The following COQ10B variants were observed in gnomAD, a reference collection of about 807,000 sequenced individuals.
COQ10B encodes coenzyme Q10B, also known as coenzyme Q-binding protein COQ10 homolog B, mitochondrial.
Under a neutral mutation model 27.6 loss-of-function variants are expected in COQ10B, and 12 were observed. The ratio of observed to expected loss-of-function variants is 0.43; its 90% CI spans 0.28 to 0.70. The LOEUF (loss-of-function observed/expected upper bound fraction) is 0.70. Ranked by LOEUF, COQ10B falls within the 30% of genes least tolerant of loss-of-function variation. COQ10B has a pLI of 0.17. For missense variants in COQ10B, 278 were observed against 288.7 expected, an observed-to-expected ratio of 0.96 and a Z score of 0.27; for synonymous variants, 115 against 103.0, an observed-to-expected ratio of 1.12 and a Z score of -0.71.
At chr2:197,473,611 A>G (rs2085916304) in intron 4 of COQ10B, 146 bp from the exon 5 acceptor site, 1 of 514,630 alleles carries the variant, frequency 1.9e-6, no homozygotes, top group Non-Finnish European at 3.3e-6. Flanking sequence ...GCTTGAGTCC[A>G]GGAGGTTGAG....
At chr2:197,461,866 C>T (rs982725103) in intron 2 of COQ10B, among the ~76,000 whole-genome samples, 2 of 151,984 alleles carry the variant, frequency 1.3e-5, no homozygotes, top group African/African-American at 4.8e-5. Flanking sequence ...GTCTCAAACT[C>T]CTGACCTCAG....
chr2:197,460,149 C>A, intron 2 of COQ10B, 68 bp downstream of exon 2: 1 of 1,093,074 alleles, frequency 9.1e-7, no homozygotes, highest in Non-Finnish European at 1.3e-6. Context: ...TCGTGTTGTG[C>A]CTCTTTCTCT....
Position 197,474,860 on chromosome 2 carries a change from A to G in COQ10B, c.*936A>G, listed in dbSNP as rs1574589986. The G allele has an allele frequency of 7.6e-6, 1 of 131,486 alleles. No homozygotes were observed. Among genetic ancestry groups the G allele is most frequent in the South Asian group, 2.3e-4 (1 of 4,264 alleles). The allele number at this position is 131,486 out of a possible 1,614,324, so 8.1% of individuals were successfully genotyped here. On this transcript the variant is annotated 3_prime_UTR_variant, in exon 5 of 5. Coordinates refer to ENST00000263960, the MANE Select transcript of COQ10B (RefSeq NM_025147.5). The stretch of plus-strand genomic sequence containing the variant: ...GGTGAGTGGTCCAGAGCTTTAAGCT[A>G]CTTTTCCAGTAGTTTGCCACTTTCT...
chr2:197,471,984 C>T (rs2085882361), intron 4 of COQ10B, among the ~76,000 whole-genome samples: 1 of 149,836 alleles, frequency 6.7e-6, no homozygotes, highest in African/African-American at 2.5e-5. Flanking sequence ...TGAATAAGGT[C>T]TATATAAATT....
rs192002117 is a variant in COQ10B at position 197,456,443 on chromosome 2, G to A, written c.104+2779G>A. Among the ~76,000 whole-genome samples, 879 of 149,218 alleles carry A rather than the reference G, an allele frequency of 5.9e-3. 9 individuals carry two copies. Among genetic ancestry groups the A allele is most frequent in the African/African-American group, 0.018 (744 of 40,492 alleles). On this transcript the variant is annotated intron_variant, in intron 1 of 4. Coordinates refer to ENST00000263960, the MANE Select transcript of COQ10B (RefSeq NM_025147.5). ...AGCACCGCTGCACTCCAGCCTGGCG[G>A]CAGAGCGAGACTCCATCTCAAAAAA...
intron 1 of COQ10B, among the ~76,000 whole-genome samples, chr2:197,455,003 T>G (rs1416029325): frequency 6.6e-6 from 1 of 152,122 alleles, no homozygotes; most frequent in Non-Finnish European, 1.5e-5. Context: ...TGCATGAAAA[T>G]AGATGTGCTG....
At chr2:197,468,897 G>A (rs1391025534) in intron 3 of COQ10B, among the ~76,000 whole-genome samples, 2 of 152,124 alleles carry the variant, frequency 1.3e-5, no homozygotes, top group Non-Finnish European at 2.9e-5. Flanking sequence ...AAAATAAAAT[G>A]CTGAGCATCT....
chr2:197,463,337 T>A (rs963485140), intron 3 of COQ10B, among the ~76,000 whole-genome samples: 1 of 151,760 alleles, frequency 6.6e-6, no homozygotes, highest in African/African-American at 2.4e-5. Flanking sequence ...CCGGGCGTAG[T>A]GGTGCTTGCC....
intron 3 of COQ10B, among the ~76,000 whole-genome samples, chr2:197,464,526 C>T (rs2085803383): frequency 6.6e-6 from 1 of 152,178 alleles, no homozygotes; most frequent in Non-Finnish European, 1.5e-5. Context: ...TTCAATTCCA[C>T]TTAAAATGCT....
intron 3 of COQ10B, among the ~76,000 whole-genome samples, chr2:197,469,741 A>T (rs1033339546): frequency 2.0e-5 from 3 of 152,208 alleles, no homozygotes; most frequent in Non-Finnish European, 2.9e-5. Flanking sequence ...ACGATCACTT[A>T]TATGTGGCAG....
Position 197,456,086 on chromosome 2 carries a change from G to A in COQ10B, c.104+2422G>A, listed in dbSNP as rs149788634. On this transcript the variant is annotated intron_variant, in intron 1 of 4. Transcript: ENST00000263960. ...TCTGTCATTTGCAGCAACGTGGATG[G>A]ACTTGGAGGGCATTATGTTAAATGA... Among the ~76,000 whole-genome samples the A allele has an allele frequency of 2.8e-4, 42 of 152,302 alleles. 2 individuals carry two copies. In the East Asian group the frequency reaches 8.1e-3, roughly 29 times the overall value.
intron 3 of COQ10B, among the ~76,000 whole-genome samples, chr2:197,466,360 TTC>T (rs1012743439): frequency 3.9e-4 from 60 of 152,348 alleles, no homozygotes; most frequent in African/African-American, 1.3e-3. Flanking sequence ...TGGGGTCATT[TTC>T]TCTCTTTCCT....
At chr2:197,454,223 C>A in intron 1 of COQ10B, 1 of 1,263,078 alleles carries the variant, frequency 7.9e-7, no homozygotes, top group Non-Finnish European at 1.1e-6. Context: ...AACCTTGAAG[C>A]ATAGTCAGCT....
chr2:197,458,459 T>C (rs937159490), intron 1 of COQ10B, among the ~76,000 whole-genome samples: 1 of 152,170 alleles, frequency 6.6e-6, no homozygotes, highest in African/African-American at 2.4e-5. Flanking sequence ...CATCTCTTCT[T>C]CAGCACTTTT....
chr2:197,470,223 A>G, intron 4 of COQ10B, 52 bp downstream of exon 4: 1 of 1,023,858 alleles, frequency 9.8e-7, no homozygotes, highest in Non-Finnish European at 1.5e-6. Context: ...AAAATTGGTA[A>G]AAAGTAATCA....
intron 1 of COQ10B, among the ~76,000 whole-genome samples, chr2:197,456,682 G>A (rs143618568): frequency 0.013 from 1,955 of 151,202 alleles, 49 homozygotes; most frequent in African/African-American, 0.045. Flanking sequence ...GGAGAATGGC[G>A]TGAACCCGGG....
Position 197,468,956 on chromosome 2 carries a change from A to G in COQ10B, c.448-1114A>G, listed in dbSNP as rs185011375. Among the ~76,000 whole-genome samples, 4 of 152,282 alleles carry G rather than the reference A, an allele frequency of 2.6e-5. No individual in the cohort carries two copies. The East Asian group carries it at 5.8e-4, about 22-fold the overall frequency. On this transcript the variant is annotated intron_variant, in intron 3 of 4. Transcript: ENST00000263960. ...CAGTCCTAACAATGAACTAGTAACT[A>G]TGGTTCTGGTTACCATTTTCAGATT...
chr2:197,456,246 A>C (rs1244405413), intron 1 of COQ10B, among the ~76,000 whole-genome samples: 1 of 152,096 alleles, frequency 6.6e-6, no homozygotes, highest in Non-Finnish European at 1.5e-5. Context: ...TGGGCGGATC[A>C]CAAGGTCAAG....
intron 1 of COQ10B, among the ~76,000 whole-genome samples, chr2:197,456,592 A>G (rs1480255901): frequency 1.3e-5 from 2 of 149,860 alleles, no homozygotes; most frequent in East Asian, 2.0e-4. Flanking sequence ...GTGAAACCCC[A>G]TCTCAACTAA....
Sources: allele counts gnomAD v4.1 joint callset (sites outside exome capture counted in the v4.1 genomes callset), GRCh38; gene constraint gnomAD v4.1.1; transcripts MANE v1.5; gene names NCBI Gene and HGNC (gene_info 2026-07-23, HGNC 2026-07-21).